SPECC1L: variants seen among roughly 807,000 people sequenced by gnomAD.
The protein encoded by SPECC1L is sperm antigen with calponin homology and coiled-coil domains 1 like, also known as cytospin-A.
Under a neutral mutation model 116.8 loss-of-function variants are expected in SPECC1L, and 40 were observed. That is an observed-to-expected ratio of 0.34 (90% CI 0.27 to 0.45). The LOEUF is 0.45. SPECC1L is among the 20% of genes least tolerant of loss of function. The pLI is 1.00. For synonymous variants in SPECC1L, 504 were observed against 500.6 expected (o/e 1.01, Z -0.09); for missense variants, 1,110 against 1,373.6 (o/e 0.81, Z 3.03).
At chr22:24,345,730 A>G (rs912938614) in intron 10 of SPECC1L, among the ~76,000 whole-genome samples, 11 of 152,210 alleles carry the variant, frequency 7.2e-5, no homozygotes, top group African/African-American at 2.7e-4. Context: ...TATTCTTCCA[A>G]ATGGCCAAAA....
At chr22:24,390,604 A>T (rs1409204364) in intron 14 of SPECC1L, among the ~76,000 whole-genome samples, 1 of 152,142 alleles carries the variant, frequency 6.6e-6, no homozygotes, top group Non-Finnish European at 1.5e-5. Context: ...AGGGGTTAAA[A>T]ATACTTGAAC....
intron 14 of SPECC1L, among the ~76,000 whole-genome samples, chr22:24,405,763 C>T (rs2042578809): frequency 6.6e-6 from 1 of 151,660 alleles, no homozygotes; most frequent in African/African-American, 2.4e-5. Flanking sequence ...TGCTTGAACC[C>T]AGGAGGCGGA....
intron 14 of SPECC1L, among the ~76,000 whole-genome samples, chr22:24,379,390 G>GA (rs528643869): frequency 1.8e-4 from 26 of 144,308 alleles, no homozygotes; most frequent in Admixed American, 2.8e-4. Context: ...CGAGAAAAAA[G>GA]AAAAAAAAAA....
intron 11 of SPECC1L, among the ~76,000 whole-genome samples, chr22:24,358,981 T>A (rs977529764): frequency 2.0e-5 from 3 of 152,230 alleles, no homozygotes; most frequent in East Asian, 1.9e-4. Context: ...TTGGACTTTG[T>A]CAGATGCTGT....
chr22:24,286,100 G>A (rs138318391), intron 2 of SPECC1L, among the ~76,000 whole-genome samples: 59 of 152,340 alleles, frequency 3.9e-4, no homozygotes, highest in African/African-American at 1.3e-3. Context: ...GGGCTTTGGT[G>A]ATTTTTTGGT....
rs974640116 is a variant in SPECC1L, at chr22:24,321,538, G to A, written c.558G>A (p.Lys186=). ...GAGCTGCTTTGGAGGCCAAAGTGAA[G>A]GATCTTCTCACGCTGGCAAAAACCA... ...SDRAALEAKV[K]DLLTLAKTKD... Residue 186 remains lysine, a synonymous_variant, in exon 5 of 17, where the codon AAG becomes AAA. Transcript: ENST00000314328. 6.2e-7 allele frequency: 1 copy of A among 1,614,230 alleles called. No homozygotes were observed. Among genetic ancestry groups the A allele is most frequent in the African/African-American group, 1.3e-5 (1 of 75,068 alleles).
In SPECC1L at chr22:24,281,932, G is replaced by A. The variant is rs547567089; in HGVS notation, c.-38+5129G>A. On this transcript the variant is annotated intron_variant, in intron 2 of 16. Coordinates refer to ENST00000314328, the MANE Select transcript of SPECC1L (RefSeq NM_015330.6). ...AAGAGTAATTCAGGCAGAGCCTGCT[G>A]GGTGGGAGACTGGAGTTTTATGATT... Among the ~76,000 whole-genome samples the A allele has an allele frequency of 2.0e-5, 3 of 152,340 alleles. No individual in the cohort carries two copies. The East Asian group carries it at 5.8e-4, about 29-fold the overall frequency.
chr22:24,310,409 A>G (rs1485123097), intron 3 of SPECC1L, among the ~76,000 whole-genome samples: 2 of 152,250 alleles, frequency 1.3e-5, no homozygotes, highest in African/African-American at 4.8e-5. Context: ...AGGTAAATAC[A>G]TGTGTAACTT....
intron 2 of SPECC1L, among the ~76,000 whole-genome samples, chr22:24,288,972 A>G (rs1268744733): frequency 3.9e-5 from 6 of 152,232 alleles, no homozygotes; most frequent in Non-Finnish European, 7.3e-5. Flanking sequence ...TATTTGAACC[A>G]TTAATGAAGT....
chr22:24,350,471 AG>A (rs534778651), intron 11 of SPECC1L, among the ~76,000 whole-genome samples: 1 of 152,166 alleles, frequency 6.6e-6, no homozygotes, highest in Non-Finnish European at 1.5e-5. Context: ...TCTATCCCAT[AG>A]TAAATCTTTG....
At chr22:24,298,235 A>G (rs2049306003) in intron 2 of SPECC1L, among the ~76,000 whole-genome samples, 1 of 152,216 alleles carries the variant, frequency 6.6e-6, no homozygotes, top group South Asian at 2.1e-4. Context: ...AAGATAGGCT[A>G]GGCTAAGCTA....
chr22:24,271,424 A>G (rs1003425833), intron 1 of SPECC1L, among the ~76,000 whole-genome samples: 2 of 152,196 alleles, frequency 1.3e-5, no homozygotes, highest in African/African-American at 4.8e-5. Context: ...CGCAGAGCGG[A>G]GGAGCAGGGG....
At chr22:24,363,196 G>A (rs2041678908) in intron 11 of SPECC1L, 65 bp from the exon 12 acceptor site, 4 of 1,404,908 alleles carry the variant, frequency 2.8e-6, no homozygotes, top group Non-Finnish European at 4.0e-6. Context: ...CACCTTCTTT[G>A]TACCTTTATT....
At chr22:24,285,823 G>A (rs2049034268) in intron 2 of SPECC1L, among the ~76,000 whole-genome samples, 1 of 152,044 alleles carries the variant, frequency 6.6e-6, no homozygotes, top group Non-Finnish European at 1.5e-5. Context: ...TGTATTTTTG[G>A]TAGAGACGGG....
intron 14 of SPECC1L, among the ~76,000 whole-genome samples, chr22:24,391,465 A>G (rs1227486197): frequency 1.3e-5 from 2 of 152,248 alleles, no homozygotes; most frequent in Non-Finnish European, 2.9e-5. Flanking sequence ...TGTGTGTGGT[A>G]GATGAGACTA....
chr22:24,345,513 A>G (rs1288748838), intron 10 of SPECC1L, among the ~76,000 whole-genome samples: 1 of 152,240 alleles, frequency 6.6e-6, no homozygotes, highest in Non-Finnish European at 1.5e-5. Flanking sequence ...AGCAAGCTAC[A>G]GACTGGGGAG....
intron 2 of SPECC1L, among the ~76,000 whole-genome samples, chr22:24,288,448 T>C (rs1243112927): frequency 6.6e-6 from 1 of 152,068 alleles, no homozygotes; most frequent in Non-Finnish European, 1.5e-5. Flanking sequence ...TGCTTTATAC[T>C]CACTAGACAC....
chr22:24,354,744 C>T (rs925521167), intron 11 of SPECC1L, among the ~76,000 whole-genome samples: 1 of 150,932 alleles, frequency 6.6e-6, no homozygotes, highest in Non-Finnish European at 1.5e-5. Context: ...TCGCTGCAAC[C>T]TGCGCCCCCT....
At chr22:24,379,007 A>G (rs2042016602) in intron 14 of SPECC1L, among the ~76,000 whole-genome samples, 1 of 152,182 alleles carries the variant, frequency 6.6e-6, no homozygotes, top group African/African-American at 2.4e-5. Context: ...ATGAAGCACA[A>G]GAAGATGAAG....
Sources: allele counts gnomAD v4.1 joint callset (sites outside exome capture counted in the v4.1 genomes callset), GRCh38; gene constraint gnomAD v4.1.1; transcripts MANE v1.5; gene names NCBI Gene and HGNC (gene_info 2026-07-23, HGNC 2026-07-21).